Variants in SMKR1 observed in about 807,000 individuals in gnomAD.
SMKR1 encodes the protein small lysine-rich protein 1.
Under a neutral mutation model 4.0 loss-of-function variants are expected in SMKR1, and 4 were observed. The observed-to-expected ratio is 1.00, with a 90% confidence interval of 0.49 to 2.30. The LOEUF (loss-of-function observed/expected upper bound fraction) is 2.30. Ranked by LOEUF, SMKR1 falls within the 30% of genes most tolerant of loss-of-function variation. The pLI, the probability that SMKR1 is intolerant of heterozygous loss-of-function variation, is 0.02. For missense variants in SMKR1, 56 were observed against 81.8 expected (o/e 0.68, Z 1.22); for synonymous variants, 38 against 32.5 (o/e 1.17, Z -0.58).
chr7:129,505,561 C>A (rs1182729919), intron 1 of SMKR1, among the ~76,000 whole-genome samples: 3 of 151,892 alleles, frequency 2.0e-5, no homozygotes, highest in Non-Finnish European at 4.4e-5. Context: ...TCACTGCAAC[C>A]TCCGCCTCCC....
At chr7:129,507,003 C>T (rs1182778915) in intron 1 of SMKR1, among the ~76,000 whole-genome samples, 1 of 151,350 alleles carries the variant, frequency 6.6e-6, no homozygotes, top group African/African-American at 2.4e-5. Flanking sequence ...TGCATACCAC[C>T]ACCACATCTG....
Sources: allele counts gnomAD v4.1 joint callset (sites outside exome capture counted in the v4.1 genomes callset), GRCh38; gene constraint gnomAD v4.1.1; transcripts MANE v1.5; gene names NCBI Gene and HGNC (gene_info 2026-07-23, HGNC 2026-07-21).